The following TBC1D22A variants were observed in gnomAD, a reference collection of about 807,000 sequenced individuals.
TBC1D22A encodes the protein TBC1 domain family member 22A.
Under a neutral mutation model 60.2 loss-of-function variants are expected in TBC1D22A, and 38 were observed. The ratio of observed to expected loss-of-function variants is 0.63; its 90% confidence interval spans 0.49 to 0.83. The LOEUF (loss-of-function observed/expected upper bound fraction) is 0.83. Among genes scored for constraint, TBC1D22A ranks in the 40% least tolerant of loss-of-function variants. The pLI, the probability that TBC1D22A is intolerant of heterozygous loss-of-function variation, is 0.00. For missense variants in TBC1D22A, 628 were observed against 701.0 expected, an observed-to-expected ratio of 0.90 and a Z score of 1.18; for synonymous variants, 302 against 281.7, an observed-to-expected ratio of 1.07 and a Z score of -0.72.
intron 11 of TBC1D22A, among the ~76,000 whole-genome samples, chr22:47,052,483 T>C (rs1330892399): frequency 6.6e-6 from 1 of 151,156 alleles, no homozygotes; most frequent in Non-Finnish European, 1.5e-5. Flanking sequence ...ATGGGCCCCC[T>C]GGGGAGCATT....
intron 10 of TBC1D22A, among the ~76,000 whole-genome samples, chr22:47,002,650 C>T (rs150670956): frequency 4.0e-4 from 61 of 152,236 alleles, no homozygotes; most frequent in African/African-American, 1.4e-3. Context: ...GAGAATTGTC[C>T]CATTGGGGGT....
chr22:46,978,349 A>C (rs1293954424), intron 9 of TBC1D22A, among the ~76,000 whole-genome samples: 1 of 152,252 alleles, frequency 6.6e-6, no homozygotes, highest in Non-Finnish European at 1.5e-5. Context: ...AATTTATTTA[A>C]CAACAACAAT....
chr22:47,082,100 G>A (rs1283898445), intron 11 of TBC1D22A, among the ~76,000 whole-genome samples: 2 of 152,160 alleles, frequency 1.3e-5, no homozygotes, highest in Admixed American at 1.3e-4. Flanking sequence ...GGAGGTTGCA[G>A]TGAGCCAAGA....
At chr22:46,817,337 C>T (rs1399615867) in intron 4 of TBC1D22A, among the ~76,000 whole-genome samples, 4 of 151,722 alleles carry the variant, frequency 2.6e-5, no homozygotes, top group Non-Finnish European at 5.9e-5. Flanking sequence ...ACGTAGGTTA[C>T]GTGTGCCATG....
chr22:46,984,836 G>T (rs759148827), intron 9 of TBC1D22A, among the ~76,000 whole-genome samples: 6 of 152,234 alleles, frequency 3.9e-5, no homozygotes, highest in Non-Finnish European at 8.8e-5. Flanking sequence ...TCGGGGTGGA[G>T]TGGACTCTGC....
intron 10 of TBC1D22A, among the ~76,000 whole-genome samples, chr22:47,034,955 C>G (rs534320826): frequency 6.6e-6 from 1 of 152,286 alleles, no homozygotes; most frequent in East Asian, 1.9e-4. Context: ...TCCCTGAGTC[C>G]TGAGGCACCA....
At chr22:46,854,052 A>G (rs539416206) in intron 4 of TBC1D22A, among the ~76,000 whole-genome samples, 1 of 152,158 alleles carries the variant, frequency 6.6e-6, no homozygotes, top group African/African-American at 2.4e-5. Context: ...TCTCCTTCAC[A>G]CCCATGTGCG....
chr22:47,032,986 C>T (rs1416336132), intron 10 of TBC1D22A, among the ~76,000 whole-genome samples: 2 of 152,266 alleles, frequency 1.3e-5, no homozygotes, highest in South Asian at 2.1e-4. Context: ...CTGGGGCTGT[C>T]GCTGTCGTCC....
chr22:47,136,940 C>T (rs970860454), intron 12 of TBC1D22A, among the ~76,000 whole-genome samples: 6 of 152,158 alleles, frequency 3.9e-5, no homozygotes, highest in South Asian at 2.1e-4. Flanking sequence ...CCAGTCGCCC[C>T]GGGGCTGTGG....
At chr22:47,015,842 G>A (rs2061893917) in intron 10 of TBC1D22A, among the ~76,000 whole-genome samples, 1 of 152,194 alleles carries the variant, frequency 6.6e-6, no homozygotes, top group Admixed American at 6.5e-5. Context: ...GCCCTATGTA[G>A]CCTGGAGCCA....
At chr22:46,878,588 G>A in intron 4 of TBC1D22A, 65 bp from the exon 5 acceptor site, 3 of 1,402,800 alleles carry the variant, frequency 2.1e-6, no homozygotes, top group Non-Finnish European at 3.0e-6. Flanking sequence ...ATGTGTTAAA[G>A]CACTGGGGAG....
chr22:47,172,661 C>T (rs1357680469), intron 12 of TBC1D22A, among the ~76,000 whole-genome samples: 1 of 152,212 alleles, frequency 6.6e-6, no homozygotes, highest in South Asian at 2.1e-4. Context: ...ATTTTTAAAT[C>T]TCAGTCTAAG....
chr22:46,864,731 C>T (rs1397711178), intron 4 of TBC1D22A, among the ~76,000 whole-genome samples: 2 of 152,184 alleles, frequency 1.3e-5, no homozygotes, highest in South Asian at 2.1e-4. Context: ...GGTGTACCTG[C>T]ACTATTTTGG....
At chr22:46,953,622 T>G (rs1037611901) in intron 8 of TBC1D22A, among the ~76,000 whole-genome samples, 3 of 152,268 alleles carry the variant, frequency 2.0e-5, no homozygotes, top group African/African-American at 7.2e-5. Flanking sequence ...AAACATATTT[T>G]TACTGGGTAC....
At chr22:46,925,152 G>GT (rs1221575997) in intron 8 of TBC1D22A, among the ~76,000 whole-genome samples, 6 of 151,984 alleles carry the variant, frequency 3.9e-5, no homozygotes, top group East Asian at 1.9e-4. Flanking sequence ...CCTCCACCTT[G>GT]TTTTTTTTGT....
intron 7 of TBC1D22A, among the ~76,000 whole-genome samples, chr22:46,903,924 G>A (rs771597945): frequency 4.6e-4 from 70 of 152,224 alleles, no homozygotes; most frequent in Admixed American, 7.2e-4. Context: ...CGAGTGCCCC[G>A]CTGCCCGTGG....
At chr22:46,934,060 C>T (rs2071506428) in intron 8 of TBC1D22A, among the ~76,000 whole-genome samples, 1 of 152,166 alleles carries the variant, frequency 6.6e-6, no homozygotes, top group Non-Finnish European at 1.5e-5. Flanking sequence ...CCATCTTTAT[C>T]TTCTCGAAAG....
intron 12 of TBC1D22A, among the ~76,000 whole-genome samples, chr22:47,136,769 C>T (rs1240530112): frequency 6.6e-6 from 1 of 152,222 alleles, no homozygotes; most frequent in Non-Finnish European, 1.5e-5. Context: ...GACGTCACTG[C>T]CTGTGCCCCC....
intron 11 of TBC1D22A, among the ~76,000 whole-genome samples, chr22:47,072,292 G>A (rs958116868): frequency 3.3e-5 from 5 of 152,176 alleles, no homozygotes; most frequent in African/African-American, 7.2e-5. Flanking sequence ...GTCCCCACTC[G>A]TCCAGGCCAC....
Sources: allele counts gnomAD v4.1 joint callset (sites outside exome capture counted in the v4.1 genomes callset), GRCh38; gene constraint gnomAD v4.1.1; transcripts MANE v1.5; gene names NCBI Gene and HGNC (gene_info 2026-07-23, HGNC 2026-07-21).